PLEKHG1: variants seen among roughly 807,000 people sequenced by gnomAD.
PLEKHG1 encodes pleckstrin homology domain-containing family G member 1.
PLEKHG1 carries 44 observed loss-of-function variants against 100.8 expected under a neutral mutation model. That is an observed-to-expected ratio of 0.44 (90% CI 0.34 to 0.56). PLEKHG1 has a LOEUF of 0.56. PLEKHG1 is among the 20% of genes least tolerant of loss of function. The pLI is 0.01. For synonymous variants in PLEKHG1, 640 were observed against 662.5 expected (o/e 0.97, Z 0.52); for missense variants, 1,545 against 1,720.9 (o/e 0.90, Z 1.81).
At chr6:150,784,699 T>C (rs1785507830) in intron 3 of PLEKHG1, among the ~76,000 whole-genome samples, 1 of 151,796 alleles carries the variant, frequency 6.6e-6, no homozygotes. Context: ...TTGAACACAG[T>C]GAGACAAGAT....
At chr6:150,810,539 G>GAAAGAAAGAAAGAAAGAAAGAAAGAAAGA (rs1562540321) in intron 10 of PLEKHG1, among the ~76,000 whole-genome samples, 127 of 104,984 alleles carry the variant, frequency 1.2e-3, no homozygotes, top group African/African-American at 5.1e-3. Flanking sequence ...AGAAAGAAAG[G>GAAAGAAAGAAAGAAAGAAAGAAAGAAAGA]AAGAAAGGAA....
chr6:150,825,797 A>C lies in PLEKHG1; in HGVS notation c.1470+2121A>C, dbSNP rs148937815. The stretch of plus-strand genomic sequence containing the variant: ...TTACCAGGACTTAGTTTCCTAATTT[A>C]CAGAACTGTTAAAAAGATTAAATGC... On this transcript the variant is annotated intron_variant, in intron 14 of 15. Coordinates refer to ENST00000358517, the Ensembl canonical transcript of PLEKHG1. Among the ~76,000 whole-genome samples the C allele has an allele frequency of 4.8e-3, 732 of 152,370 alleles. 3 individuals are homozygous for C. Among genetic ancestry groups the C allele is most frequent in the Middle Eastern group, 0.048 (14 of 294 alleles).
At chr6:150,694,207 T>C (rs1287561826) in intron 3 of PLEKHG1, among the ~76,000 whole-genome samples, 2 of 152,206 alleles carry the variant, frequency 1.3e-5, no homozygotes, top group Non-Finnish European at 2.9e-5. Flanking sequence ...GAAATTATTA[T>C]AGCATACAGA....
intron 3 of PLEKHG1, among the ~76,000 whole-genome samples, chr6:150,701,478 A>C (rs1780788883): frequency 9.6e-6 from 1 of 104,338 alleles, no homozygotes; most frequent in Non-Finnish European, 1.9e-5. Context: ...ATTATACTTT[A>C]AGTTCTAGGG....
intron 3 of PLEKHG1, among the ~76,000 whole-genome samples, chr6:150,707,009 T>TC (rs1781049969): frequency 7.4e-6 from 1 of 134,738 alleles, no homozygotes; most frequent in South Asian, 2.6e-4. Flanking sequence ...TTTTTTTTTT[T>TC]TTTTTTTTTT....
chr6:150,756,159 T>C (rs1405151246), intron 2 of PLEKHG1, among the ~76,000 whole-genome samples: 1 of 149,728 alleles, frequency 6.7e-6, no homozygotes, highest in African/African-American at 2.5e-5. Flanking sequence ...CAGAAGGACA[T>C]CTTCGTGTTT....
rs532925147 is a variant in PLEKHG1, at chr6:150,782,945, G to C, written c.513-3445G>C. 3.3e-5 allele frequency among the ~76,000 whole-genome samples: 5 copies of C among 152,090 alleles called. No homozygotes were observed. In the South Asian group the frequency reaches 1.0e-3, roughly 32 times the overall value. ...TGACAGAAGCTAAAATCATCAAAAA[G>C]GGAGCTCAGCAGAAAACAAAGAACA... On this transcript the variant is annotated intron_variant, in intron 3 of 15. Coordinates refer to ENST00000358517, the Ensembl canonical transcript of PLEKHG1.
At chr6:150,778,822 C>G (rs1785134673) in intron 3 of PLEKHG1, among the ~76,000 whole-genome samples, 1 of 152,172 alleles carries the variant, frequency 6.6e-6, no homozygotes, top group Non-Finnish European at 1.5e-5. Flanking sequence ...CCATTACTTT[C>G]TCTTTACTAG....
chr6:150,830,564 T>A lies in PLEKHG1; in HGVS notation c.1471-18T>A. On this transcript the variant is annotated intron_variant, in intron 14 of 15. Transcript: ENST00000358517. ...CCATGGTGCTGTGATTCAGTTGATA[T>A]GTTTCCATCTTCCTCAGGTTTCTAG... 1 of 1,551,328 alleles carries A rather than the reference T, an allele frequency of 6.4e-7. No individual in the cohort carries two copies. Among genetic ancestry groups the A allele is most frequent in the Non-Finnish European group, 8.8e-7 (1 of 1,142,082 alleles).
At chr6:150,757,068 G>T (rs117527046) in intron 2 of PLEKHG1, among the ~76,000 whole-genome samples, 2,361 of 152,274 alleles carry the variant, frequency 0.016, 29 homozygotes, top group Non-Finnish European at 0.024. Context: ...GAGTGCAGTG[G>T]CTCACTGTAA....
chr6:150,627,354 G>A (rs1249672028), intron 1 of PLEKHG1, among the ~76,000 whole-genome samples: 1 of 152,022 alleles, frequency 6.6e-6, no homozygotes, highest in East Asian at 1.9e-4. Context: ...TGCTAACACT[G>A]CAATATTCTC....
rs1255505117 is a variant in PLEKHG1 at position 150,600,488 on chromosome 6, T to C, written c.-204+471T>C. Among the ~76,000 whole-genome samples, 1 of 151,120 alleles carries C rather than the reference T, an allele frequency of 6.6e-6. No homozygotes were observed. The highest frequency in any genetic ancestry group is 1.5e-5 in the Non-Finnish European group (1 of 67,788). ...CCCACAGCCAGTCAGCTGGGTCAGC[T>C]CCCCAGCAGCGAAGCCGGGAGCCCG... On this transcript the variant is annotated intron_variant, in intron 1 of 3. Transcript: ENST00000367326. The surrounding 1 kb of genome is among the most constrained non-coding windows in gnomAD (Gnocchi z 6.2).
At chr6:150,733,892 A>G (rs1203978206) in exon 2 of PLEKHG1, 6 of 1,614,062 alleles carry the variant, frequency 3.7e-6, no homozygotes, top group Non-Finnish European at 5.1e-6. Flanking sequence ...GCAGAGGGAC[A>G]ACCCCGCCAC....
intron 3 of PLEKHG1, among the ~76,000 whole-genome samples, chr6:150,692,976 T>A (rs1371915195): frequency 1.3e-5 from 2 of 152,168 alleles, no homozygotes; most frequent in Non-Finnish European, 2.9e-5. Context: ...ATGGCTGAAG[T>A]TCCAGGTCAG....
chr6:150,772,748 C>A (rs988425539), intron 3 of PLEKHG1, among the ~76,000 whole-genome samples: 1 of 152,152 alleles, frequency 6.6e-6, no homozygotes, highest in Non-Finnish European at 1.5e-5. Flanking sequence ...GTATATTATC[C>A]ATTGGTGATG....
In PLEKHG1 at chr6:150,702,141, C is replaced by T. The variant is rs117916335; in HGVS notation, c.-98-31443C>T. 9.0e-3 allele frequency among the ~76,000 whole-genome samples: 1,376 copies of T among 152,304 alleles called. 17 individuals are homozygous for T. The highest frequency in any genetic ancestry group is 0.045 in the South Asian group (215 of 4,822). ...AATGAGACATGAACATCTTTTGCCA[C>T]TTCAGAAATACAACTGGACAACAGA... On this transcript the variant is annotated intron_variant, in intron 3 of 3. Transcript: ENST00000367326.
intron 2 of PLEKHG1, among the ~76,000 whole-genome samples, chr6:150,750,780 C>CAAAAAAAAAA (rs1158670858): frequency 1.6e-4 from 6 of 37,400 alleles, no homozygotes; most frequent in African/African-American, 2.0e-4. Flanking sequence ...GACTCCATCT[C>CAAAAAAAAAA]AAAAAAAAAA....
chr6:150,614,409 A>G (rs1196179536), intron 1 of PLEKHG1, among the ~76,000 whole-genome samples: 1 of 152,196 alleles, frequency 6.6e-6, no homozygotes, highest in African/African-American at 2.4e-5. Flanking sequence ...ATGGGAGATA[A>G]TTATAACTAC....
At chr6:150,834,014 T>C (rs1241964630) in intron 15 of PLEKHG1, among the ~76,000 whole-genome samples, 1 of 152,168 alleles carries the variant, frequency 6.6e-6, no homozygotes, top group Non-Finnish European at 1.5e-5. Flanking sequence ...TAGGGAACTT[T>C]TTTTTTTAAG....
Sources: allele counts gnomAD v4.1 joint callset (sites outside exome capture counted in the v4.1 genomes callset), GRCh38; gene constraint gnomAD v4.1.1; non-coding constraint Gnocchi (gnomAD v3.1); transcripts MANE v1.5; gene names NCBI Gene and HGNC (gene_info 2026-07-23, HGNC 2026-07-21).